The following PCDH15 variants were observed in gnomAD, a reference collection of about 807,000 sequenced individuals.
PCDH15 encodes the protein protocadherin related 15, also known as protocadherin-15.
Under a neutral mutation model 178.5 loss-of-function variants are expected in PCDH15, and 129 were observed. The observed-to-expected ratio is 0.72, with a 90% confidence interval of 0.63 to 0.84. The LOEUF (loss-of-function observed/expected upper bound fraction) is 0.84, where lower values mean the gene tolerates loss of function less well. Ranked by LOEUF, PCDH15 falls within the 40% of genes least tolerant of loss-of-function variation. The pLI, the probability that PCDH15 is intolerant of heterozygous loss-of-function variation, is 0.00. For synonymous variants in PCDH15, 800 were observed against 732.0 expected (o/e 1.09, Z -1.50); for missense variants, 2,230 against 2,099.9 (o/e 1.06, Z -1.21).
At chr10:54,115,520 G>C (rs1440976605) in intron 15 of PCDH15, among the ~76,000 whole-genome samples, 5 of 152,170 alleles carry the variant, frequency 3.3e-5, no homozygotes, top group African/African-American at 1.2e-4. Flanking sequence ...GAAAGCCCAA[G>C]GTCAAGCAGC....
At chr10:55,529,179 C>T (rs1230927383) in intron 2 of PCDH15, among the ~76,000 whole-genome samples, 2 of 152,006 alleles carry the variant, frequency 1.3e-5, no homozygotes, top group Admixed American at 6.6e-5. Flanking sequence ...CTGTAGGTTT[C>T]CTGCTCACTC....
chr10:55,379,764 A>G (rs961609543), intron 2 of PCDH15, among the ~76,000 whole-genome samples: 2 of 152,116 alleles, frequency 1.3e-5, no homozygotes, highest in African/African-American at 4.8e-5. Context: ...GTTCACAAGT[A>G]TAAAGGGCAA....
At chr10:54,819,654 T>G (rs1730694365) in intron 3 of PCDH15, among the ~76,000 whole-genome samples, 1 of 152,056 alleles carries the variant, frequency 6.6e-6, no homozygotes, top group Non-Finnish European at 1.5e-5. Context: ...AGTGTGGCAT[T>G]CAATAATATG....
At chr10:55,193,652 T>C (rs1260986451) in intron 1 of PCDH15, among the ~76,000 whole-genome samples, 3 of 152,140 alleles carry the variant, frequency 2.0e-5, no homozygotes, top group African/African-American at 7.2e-5. Flanking sequence ...CTAAGTTACA[T>C]TTAATCCATG....
chr10:54,495,237 C>T (rs753395629), intron 3 of PCDH15, among the ~76,000 whole-genome samples: 1 of 151,978 alleles, frequency 6.6e-6, no homozygotes, highest in Admixed American at 6.6e-5. Context: ...GTTAATAACT[C>T]ATCTGCAAAA....
In PCDH15 at chr10:54,477,947, C is replaced by T. The variant is rs144283231; in HGVS notation, c.157+49865G>A. Among the ~76,000 whole-genome samples, 726 of 152,144 alleles carry T rather than the reference C, an allele frequency of 4.8e-3. 7 individuals carry two copies. Among genetic ancestry groups the T allele is most frequent in the African/African-American group, 0.016 (683 of 41,512 alleles). ...ACTTGGCAGAGACCACCTACTGTTA[C>T]GCAATCATTCTATAGTCTTTAAAAT... On this transcript the variant is annotated intron_variant, in intron 3 of 37. Coordinates refer to ENST00000644397, the MANE Select transcript of PCDH15 (RefSeq NM_001384140.1).
chr10:55,003,570 A>T (rs1392463903), intron 2 of PCDH15, among the ~76,000 whole-genome samples: 1 of 152,158 alleles, frequency 6.6e-6, no homozygotes, highest in Non-Finnish European at 1.5e-5. Flanking sequence ...TGATTTCTCC[A>T]GAATTCAGAA....
At chr10:54,188,674 C>CATATGAATATAAACAAACAAAT (rs2048692305) in intron 11 of PCDH15, among the ~76,000 whole-genome samples, 1 of 151,614 alleles carries the variant, frequency 6.6e-6, no homozygotes, top group Non-Finnish European at 1.5e-5. Context: ...GGTAAACAAA[C>CATATGAATATAAACAAACAAAT]ATATGAATAT....
intron 2 of PCDH15, among the ~76,000 whole-genome samples, chr10:55,117,884 C>T (rs573205088): frequency 2.5e-4 from 38 of 152,114 alleles, no homozygotes; most frequent in African/African-American, 7.7e-4. Context: ...TAGATCTAAG[C>T]GGAAAGAGAA....
In PCDH15 at chr10:53,938,307, TC is replaced by T. The variant is rs554602901; in HGVS notation, c.3373+507del. Among the ~76,000 whole-genome samples, 260 of 152,204 alleles carry T rather than the reference TC, an allele frequency of 1.7e-3. 2 individuals carry two copies. The highest frequency in any genetic ancestry group is 3.4e-3 in the Non-Finnish European group (228 of 68,002). On this transcript the variant is annotated intron_variant, in intron 25 of 37. Coordinates refer to ENST00000644397, the MANE Select transcript of PCDH15 (RefSeq NM_001384140.1). The stretch of plus-strand genomic sequence containing the variant: ...TGCCTTTGTAAAACAGGGTAGTAAT[TC>T]TCATTTCATAGATTAAAAGTGTAGG...
At chr10:54,193,043 A>G (rs188214893) in intron 11 of PCDH15, among the ~76,000 whole-genome samples, 73 of 152,244 alleles carry the variant, frequency 4.8e-4, no homozygotes, top group African/African-American at 1.7e-3. Context: ...TCTAAATCCA[A>G]AGCCCAAACT....
At chr10:53,813,362 T>A (rs1300823711) in intron 35 of PCDH15, among the ~76,000 whole-genome samples, 1 of 152,202 alleles carries the variant, frequency 6.6e-6, no homozygotes, top group Non-Finnish European at 1.5e-5. Flanking sequence ...TTACAAATAC[T>A]TTGTGAACCT....
intron 2 of PCDH15, among the ~76,000 whole-genome samples, chr10:54,972,266 G>A (rs778280253): frequency 6.6e-6 from 1 of 152,168 alleles, no homozygotes; most frequent in Admixed American, 6.5e-5. Flanking sequence ...TTGGCTGGGC[G>A]TGGTGGCTCA....
rs1050255118 is a variant in PCDH15, at chr10:54,809,240, G to A, written c.-29+88210C>T. ...CCCTTAGATTGTATCAACTTTCTCT[G>A]TTAGTAATATCTTCCTAGATTTTGG... On this transcript the variant is annotated intron_variant, in intron 3 of 5. Coordinates refer to the PCDH15 transcript ENST00000458638. 1.4e-4 allele frequency among the ~76,000 whole-genome samples: 21 copies of A among 152,042 alleles called. 1 individual carries two copies. Among genetic ancestry groups the A allele is most frequent in the Admixed American group, 1.2e-3 (18 of 15,262 alleles).
chr10:54,356,083 G>C (rs1324122513), intron 5 of PCDH15, among the ~76,000 whole-genome samples: 2 of 151,964 alleles, frequency 1.3e-5, no homozygotes, highest in Non-Finnish European at 2.9e-5. Context: ...TAAGTATTAA[G>C]TACAAAATTA....
intron 2 of PCDH15, among the ~76,000 whole-genome samples, chr10:55,352,220 C>G (rs1050318276): frequency 6.6e-6 from 1 of 152,010 alleles, no homozygotes; most frequent in Admixed American, 6.6e-5. Context: ...GTGTTTATCA[C>G]TTTTTTTGCT....
At chr10:54,644,419 T>A (rs1437415327) in intron 2 of PCDH15, among the ~76,000 whole-genome samples, 1 of 151,780 alleles carries the variant, frequency 6.6e-6, no homozygotes, top group Non-Finnish European at 1.5e-5. Context: ...TTGTTGACTG[T>A]ATAAAAGTAT....
intron 25 of PCDH15, among the ~76,000 whole-genome samples, chr10:53,930,254 C>T (rs527472912): frequency 1.3e-5 from 2 of 151,606 alleles, no homozygotes; most frequent in Non-Finnish European, 2.9e-5. Flanking sequence ...GTCAGGAGAT[C>T]GAGATCATCC....
At chr10:53,879,468 A>C (rs1299798217) in intron 26 of PCDH15, among the ~76,000 whole-genome samples, 1 of 152,130 alleles carries the variant, frequency 6.6e-6, no homozygotes, top group Non-Finnish European at 1.5e-5. Flanking sequence ...ACTAAGGAAT[A>C]ATATAGAAGT....
Sources: allele counts gnomAD v4.1 joint callset (sites outside exome capture counted in the v4.1 genomes callset), GRCh38; gene constraint gnomAD v4.1.1; transcripts MANE v1.5; gene names NCBI Gene and HGNC (gene_info 2026-07-23, HGNC 2026-07-21).